The following KLHL3 variants were observed in gnomAD, a reference collection of about 807,000 sequenced individuals.
KLHL3 encodes kelch-like protein 3.
A neutral mutation model predicts 70.5 loss-of-function variants in KLHL3; 19 were observed. The observed-to-expected ratio is 0.27, with a 90% CI of 0.19 to 0.40. The LOEUF (loss-of-function observed/expected upper bound fraction) is 0.40. Ranked by LOEUF, KLHL3 falls within the 10% of genes least tolerant of loss-of-function variation. The pLI, the probability that KLHL3 is intolerant of heterozygous loss-of-function variation, is 1.00. For missense variants in KLHL3, 512 were observed against 771.1 expected (o/e 0.66, Z 3.98); for synonymous variants, 258 against 290.3 (o/e 0.89, Z 1.13).
chr5:137,735,555 C>T, intron 1 of KLHL3, 78 bp downstream of exon 1: 1 of 1,171,916 alleles, frequency 8.5e-7, no homozygotes, highest in Non-Finnish European at 1.3e-6. Flanking sequence ...AATGCAAACA[C>T]AAAAGCTGGT....
intron 4 of KLHL3, 38 bp downstream of exon 4, chr5:137,698,249 T>G: frequency 2.5e-6 from 4 of 1,610,082 alleles, no homozygotes; most frequent in Non-Finnish European, 3.4e-6. Context: ...GGGTCCTGAG[T>G]GTGCAATACA....
intron 1 of KLHL3, among the ~76,000 whole-genome samples, chr5:137,734,042 G>A (rs756354490): frequency 6.6e-6 from 1 of 152,296 alleles, no homozygotes; most frequent in African/African-American, 2.4e-5. Context: ...CAGCTGAGAG[G>A]CCCCAGGACA....
intron 4 of KLHL3, among the ~76,000 whole-genome samples, chr5:137,693,861 C>A (rs746044464): frequency 6.9e-6 from 1 of 144,090 alleles, no homozygotes; most frequent in Non-Finnish European, 1.5e-5. Context: ...AAAAAGACTT[C>A]TTTTTTTTTT....
At position 137,622,047 on chromosome 5, in the gene KLHL3, T is replaced by A. The variant is rs776391980; in HGVS notation, c.*51A>T. 2.5e-6 allele frequency: 4 copies of A among 1,605,202 alleles called. No individual in the cohort carries two copies. The South Asian group carries it at 4.4e-5, about 18-fold the overall frequency. ...GTCACCAAGGTCCTGCTGTTCAGAG[T>A]CACAGGCAGCACCTGCTCCTTCCTC... On this transcript the variant is annotated 3_prime_UTR_variant, in exon 15 of 15. Transcript: ENST00000309755.
At chr5:137,658,010 G>T in intron 8 of KLHL3, 121 bp downstream of exon 8, 2 of 933,962 alleles carry the variant, frequency 2.1e-6, no homozygotes, top group Non-Finnish European at 1.6e-6. Flanking sequence ...CATCTCCTAG[G>T]TTGTAAATGC....
rs1474112691 is a variant in KLHL3 at position 137,658,111 on chromosome 5, G to T, written c.903+20C>A. On this transcript the variant is annotated intron_variant, in intron 8 of 14. Transcript: ENST00000309755. ...CAGGGCACAGTCCTGACTCTTGGTG[G>T]TGATTGGGCTGGGGCTTACCTTGGG... is the stretch of plus-strand genomic sequence containing the variant. 6.2e-7 allele frequency: 1 copy of T among 1,603,496 alleles called. No individual in the cohort carries two copies. The highest frequency in any genetic ancestry group is 1.4e-5 in the African/African-American group (1 of 74,010).
intron 3 of KLHL3, among the ~76,000 whole-genome samples, chr5:137,707,371 G>A (rs1415528287): frequency 1.3e-5 from 2 of 152,112 alleles, no homozygotes; most frequent in Non-Finnish European, 2.9e-5. Flanking sequence ...AGGCGAAGGT[G>A]GCAGTGAGTT....
chr5:137,647,441 ACT>A, intron 8 of KLHL3: 1 of 446,358 alleles, frequency 2.2e-6, no homozygotes, highest in Non-Finnish European at 4.6e-6. Context: ...TGGCCTCAGG[ACT>A]ACATAGGTCA....
At chr5:137,623,037 G>A (rs1750361997) in intron 14 of KLHL3, among the ~76,000 whole-genome samples, 1 of 152,212 alleles carries the variant, frequency 6.6e-6, no homozygotes, top group African/African-American at 2.4e-5. Flanking sequence ...CTCACGCAAG[G>A]CCAAGGGGAG....
intron 4 of KLHL3, among the ~76,000 whole-genome samples, 176 bp downstream of exon 4, chr5:137,698,111 A>C (rs1245143824): frequency 6.6e-6 from 1 of 152,248 alleles, no homozygotes; most frequent in Non-Finnish European, 1.5e-5. Flanking sequence ...GAGTTTGAGG[A>C]CCAGCTCGAC....
At chr5:137,636,829 T>C (rs1750778022) in intron 11 of KLHL3, among the ~76,000 whole-genome samples, 1 of 152,240 alleles carries the variant, frequency 6.6e-6, no homozygotes, top group South Asian at 2.1e-4. Context: ...CAGCCTGCCC[T>C]GCAGAGAGTC....
At chr5:137,724,821 G>A (rs192524891) in intron 1 of KLHL3, among the ~76,000 whole-genome samples, 58 of 152,288 alleles carry the variant, frequency 3.8e-4, no homozygotes, top group African/African-American at 1.3e-3. Context: ...AAGAACATCT[G>A]AGGGCCCAGA....
intron 1 of KLHL3, among the ~76,000 whole-genome samples, chr5:137,722,752 C>T (rs1181991983): frequency 2.0e-5 from 3 of 152,052 alleles, no homozygotes; most frequent in Non-Finnish European, 4.4e-5. Context: ...GCTCAACCTC[C>T]GCCTCCTGGG....
At chr5:137,633,615 T>G (rs1320209555) in intron 12 of KLHL3, among the ~76,000 whole-genome samples, 1 of 152,178 alleles carries the variant, frequency 6.6e-6, no homozygotes, top group Non-Finnish European at 1.5e-5. Flanking sequence ...GTATACACCA[T>G]GGAATCTTAT....
At chr5:137,719,221 T>A (rs1752951991) in intron 2 of KLHL3, among the ~76,000 whole-genome samples, 1 of 152,238 alleles carries the variant, frequency 6.6e-6, no homozygotes. Flanking sequence ...ATAATACCTA[T>A]TTGTACTATA....
At chr5:137,685,618 T>C (rs898944393) in intron 5 of KLHL3, among the ~76,000 whole-genome samples, 1 of 152,212 alleles carries the variant, frequency 6.6e-6, no homozygotes, top group Non-Finnish European at 1.5e-5. Flanking sequence ...ACCTAAATGT[T>C]TCAAACAATG....
chr5:137,634,914 C>T lies in KLHL3; in HGVS notation c.1322-749G>A, dbSNP rs1034578584. On this transcript the variant is annotated intron_variant, in intron 11 of 14. Transcript: ENST00000309755. ...AGGAAAAATTTGGCATTTGAGCTAT[C>T]CCAAAGCAGAAATTCAAACATTTTG... is the stretch of plus-strand genomic sequence containing the variant. Among the ~76,000 whole-genome samples, 6 of 152,134 alleles carry T rather than the reference C, an allele frequency of 3.9e-5. No homozygotes were observed. The South Asian group carries it at 8.3e-4, about 21-fold the overall frequency.
chr5:137,647,072 G>A (rs979311603), intron 8 of KLHL3, among the ~76,000 whole-genome samples: 6 of 152,176 alleles, frequency 3.9e-5, no homozygotes, highest in African/African-American at 1.2e-4. Context: ...CTCCACTGTA[G>A]CAGAGATGGT....
chr5:137,677,713 T>G, intron 5 of KLHL3, 59 bp from the exon 6 acceptor site: 1 of 1,055,862 alleles, frequency 9.5e-7, no homozygotes, highest in South Asian at 1.6e-5. Flanking sequence ...ACTTCTGCCC[T>G]TCCATGACAA....
Sources: gnomAD v4.1 joint callset for allele counts (sites outside exome capture counted in the v4.1 genomes callset) on GRCh38, gnomAD v4.1.1 for gene constraint, MANE v1.5 for transcripts, NCBI Gene and HGNC (gene_info 2026-07-23, HGNC 2026-07-21) for gene names.